Variants in TTLL5 observed in about 807,000 individuals in gnomAD.
The protein encoded by TTLL5 is tubulin tyrosine ligase like 5.
In TTLL5, 132 loss-of-function variants were observed where a neutral mutation model predicts 168.4. That is an observed-to-expected ratio of 0.78 (90% CI 0.68 to 0.91). The LOEUF (loss-of-function observed/expected upper bound fraction) is 0.91. Among genes scored for constraint, TTLL5 ranks in the 40% least tolerant of loss-of-function variants. The pLI is 0.00. For missense variants in TTLL5, 1,545 were observed against 1,581.5 expected (o/e 0.98, Z 0.39); for synonymous variants, 546 against 558.6 (o/e 0.98, Z 0.32).
chr14:75,712,554 T>C (rs1469811178), intron 9 of TTLL5: 1 of 147,360 alleles, frequency 6.8e-6, no homozygotes, highest in Non-Finnish European at 1.5e-5. Flanking sequence ...AACAAACTGG[T>C]TTTTGAATAG....
intron 26 of TTLL5, 28 bp from the exon 27 acceptor site, chr14:75,792,888 G>T: frequency 6.6e-7 from 1 of 1,508,724 alleles, no homozygotes. Context: ...TTTCCTAAAT[G>T]AGTGAAAACT....
chr14:75,897,538 G>T (rs576720228), intron 30 of TTLL5, among the ~76,000 whole-genome samples: 75 of 151,952 alleles, frequency 4.9e-4, no homozygotes, highest in Admixed American at 1.8e-3. Context: ...GTGTGATGGC[G>T]CAATCTTGGC....
intron 26 of TTLL5, among the ~76,000 whole-genome samples, chr14:75,783,970 C>G (rs1595034274): frequency 6.6e-6 from 1 of 152,108 alleles, no homozygotes; most frequent in African/African-American, 2.4e-5. Context: ...TGAAATAGAC[C>G]TATAGTGTCA....
At chr14:75,754,822 G>A (rs1890145394) in intron 18 of TTLL5, among the ~76,000 whole-genome samples, 1 of 152,162 alleles carries the variant, frequency 6.6e-6, no homozygotes, top group African/African-American at 2.4e-5. Flanking sequence ...ACTGTGGATA[G>A]TTTCCTACAT....
At chr14:75,719,925 C>A in intron 11 of TTLL5, 99 bp downstream of exon 11, 1 of 1,266,650 alleles carries the variant, frequency 7.9e-7, no homozygotes, top group Non-Finnish European at 1.1e-6. Context: ...GATAGTGTTG[C>A]TGAGACGGGA....
intron 30 of TTLL5, among the ~76,000 whole-genome samples, chr14:75,896,176 T>C (rs139218945): frequency 1.3e-5 from 2 of 152,310 alleles, no homozygotes; most frequent in East Asian, 3.9e-4. Flanking sequence ...TTAACTTCCA[T>C]TTCAGAATCA....
chr14:75,694,031 GTTCA>G (rs1436914074), intron 6 of TTLL5, among the ~76,000 whole-genome samples: 1 of 152,140 alleles, frequency 6.6e-6, no homozygotes, highest in Non-Finnish European at 1.5e-5. Context: ...TCTACTCCAG[GTTCA>G]TTGCTGTTTC....
chr14:75,855,150 GAAAAA>G (rs55874311), intron 28 of TTLL5, among the ~76,000 whole-genome samples: 2 of 130,498 alleles, frequency 1.5e-5, no homozygotes, highest in Admixed American at 8.0e-5. Context: ...TATGCTAGAA[GAAAAA>G]AAAAAAAAAA....
At chr14:75,815,824 C>G (rs1475042614) in intron 27 of TTLL5, among the ~76,000 whole-genome samples, 1 of 152,194 alleles carries the variant, frequency 6.6e-6, no homozygotes, top group African/African-American at 2.4e-5. Context: ...AATTGCTTAT[C>G]ATAACCTCTC....
At chr14:75,802,475 T>A (rs1230873606) in intron 27 of TTLL5, among the ~76,000 whole-genome samples, 1 of 152,230 alleles carries the variant, frequency 6.6e-6, no homozygotes, top group Non-Finnish European at 1.5e-5. Flanking sequence ...AATATTGAAG[T>A]TGTTGGGTAT....
At chr14:75,731,378 C>T (rs1160494745) in intron 12 of TTLL5, among the ~76,000 whole-genome samples, 5 of 4,918 alleles carry the variant, frequency 1.0e-3, no homozygotes, top group African/African-American at 1.7e-3. Flanking sequence ...CATACATACA[C>T]ACACACACAC....
chr14:75,839,421 G>A (rs924136146), intron 28 of TTLL5, among the ~76,000 whole-genome samples: 5 of 152,130 alleles, frequency 3.3e-5, no homozygotes, highest in East Asian at 1.9e-4. Context: ...TTGTTCTCAT[G>A]CTGCTATGGA....
chr14:75,888,328 T>C (rs886684550), intron 30 of TTLL5, among the ~76,000 whole-genome samples: 2 of 152,238 alleles, frequency 1.3e-5, no homozygotes, highest in Non-Finnish European at 1.5e-5. Flanking sequence ...CTGATTCATA[T>C]TGGCATAATT....
At chr14:75,816,971 C>CTTCTT (rs1388428211) in intron 27 of TTLL5, among the ~76,000 whole-genome samples, 1 of 101,534 alleles carries the variant, frequency 9.8e-6, no homozygotes, top group African/African-American at 3.7e-5. Flanking sequence ...TCTTCCCTGT[C>CTTCTT]TTATTTTTTT....
At chr14:75,854,126 ACCAT>A (rs1897016447) in intron 28 of TTLL5, among the ~76,000 whole-genome samples, 1 of 152,108 alleles carries the variant, frequency 6.6e-6, no homozygotes, top group African/African-American at 2.4e-5. Flanking sequence ...TTTGTTAACC[ACCAT>A]GCAACACAAC....
chr14:75,926,156 C>CTTTTTTTTTTTTTTTTTTTTTTTTTTTT lies in TTLL5; in HGVS notation c.3823+23933_3823+23960dup, dbSNP rs34048806. 6.7e-5 allele frequency among the ~76,000 whole-genome samples: 2 copies of CTTTTTTTTTTTTTTTTTTTTTTTTTTTT among 29,952 alleles called. 1 individual carries two copies. Among genetic ancestry groups the CTTTTTTTTTTTTTTTTTTTTTTTTTTTT allele is most frequent in the African/African-American group, 3.9e-4 (2 of 5,182 alleles). 19.6% of individuals were successfully genotyped at this position (29,952 alleles called of 152,430 possible). On this transcript the variant is annotated intron_variant, in intron 31 of 31. Transcript: ENST00000298832. ...TTAAAGACTAGGATTGCAACCCCAG[C>CTTTTTTTTTTTTTTTTTTTTTTTTTTTT]TTTTTTTTTTTTTTTTTTTTTTTTT...
intron 20 of TTLL5, among the ~76,000 whole-genome samples, chr14:75,768,140 T>C: frequency 6.6e-6 from 1 of 152,156 alleles, no homozygotes; most frequent in Non-Finnish European, 1.5e-5. Flanking sequence ...ATTTATTTGG[T>C]TCAGCAAGGA....
intron 12 of TTLL5, among the ~76,000 whole-genome samples, chr14:75,731,588 G>T (rs1888549237): frequency 6.6e-6 from 1 of 152,138 alleles, no homozygotes; most frequent in Non-Finnish European, 1.5e-5. Flanking sequence ...GGAAGGTAGA[G>T]AAAGAGAATC....
At chr14:75,866,115 A>G (rs1466583342) in intron 29 of TTLL5, among the ~76,000 whole-genome samples, 1 of 152,248 alleles carries the variant, frequency 6.6e-6, no homozygotes, top group African/African-American at 2.4e-5. Context: ...GATATTAAAT[A>G]TTCTAACAGG....
Sources: allele counts gnomAD v4.1 joint callset (sites outside exome capture counted in the v4.1 genomes callset), GRCh38; gene constraint gnomAD v4.1.1; transcripts MANE v1.5; gene names NCBI Gene and HGNC (gene_info 2026-07-23, HGNC 2026-07-21).